The following ADAM22 variants were observed in gnomAD, a reference collection of about 807,000 sequenced individuals.
ADAM22 encodes disintegrin and metalloproteinase domain-containing protein 22.
Under a neutral mutation model 144.6 loss-of-function variants are expected in ADAM22, and 65 were observed. That is an observed-to-expected ratio of 0.45 (90% confidence interval 0.37 to 0.55). ADAM22 has a LOEUF of 0.55. ADAM22 is among the 20% of genes least tolerant of loss of function. The pLI, the probability that ADAM22 is intolerant of heterozygous loss-of-function variation, is 0.00. For synonymous variants in ADAM22, 391 were observed against 412.6 expected (o/e 0.95, Z 0.63); for missense variants, 974 against 1,184.9 (o/e 0.82, Z 2.61).
At chr7:88,106,533 C>A (rs1824437602) in intron 4 of ADAM22, among the ~76,000 whole-genome samples, 1 of 152,162 alleles carries the variant, frequency 6.6e-6, no homozygotes, top group Non-Finnish European at 1.5e-5. Flanking sequence ...TTAAGTCATA[C>A]TGTGAAGTAG....
chr7:87,969,728 T>G (rs543543042), intron 2 of ADAM22, among the ~76,000 whole-genome samples: 20 of 152,370 alleles, frequency 1.3e-4, no homozygotes, highest in African/African-American at 3.6e-4. Flanking sequence ...AAGTTTGTTC[T>G]TTAAAAATTG....
intron 4 of ADAM22, among the ~76,000 whole-genome samples, chr7:88,107,877 C>A (rs893589307): frequency 5.3e-5 from 8 of 152,086 alleles, no homozygotes; most frequent in African/African-American, 1.9e-4. Context: ...AGACATGAGA[C>A]ACTGTGCCTG....
At chr7:88,113,058 T>C (rs915881146) in intron 5 of ADAM22, among the ~76,000 whole-genome samples, 1 of 151,198 alleles carries the variant, frequency 6.6e-6, no homozygotes, top group Non-Finnish European at 1.5e-5. Flanking sequence ...TCCTTCCCTC[T>C]GCTTCCTGCT....
In ADAM22 at chr7:88,011,402, T is replaced by A. The variant is rs1045653566; in HGVS notation, c.323+32990T>A. ...AAAAATACAAAAAATTAGCCAGGCA[T>A]GGTGGCAGGCACCTGTAGTCCCAGC... On this transcript the variant is annotated intron_variant, in intron 3 of 31. Transcript: ENST00000413139. Among the ~76,000 whole-genome samples, 17 of 152,206 alleles carry A rather than the reference T, an allele frequency of 1.1e-4. No individual in the cohort carries two copies. In the East Asian group the frequency reaches 3.3e-3, roughly 29 times the overall value.
At chr7:88,033,650 A>G (rs1387872329) in intron 3 of ADAM22, among the ~76,000 whole-genome samples, 1 of 152,226 alleles carries the variant, frequency 6.6e-6, no homozygotes, top group East Asian at 1.9e-4. Flanking sequence ...GGGATTCCCC[A>G]GGCTTTGGGT....
At chr7:88,071,384 T>C (rs1046899038) in intron 3 of ADAM22, among the ~76,000 whole-genome samples, 116 of 147,314 alleles carry the variant, frequency 7.9e-4, no homozygotes, top group African/African-American at 2.9e-3. Context: ...ACCAGCTTTA[T>C]GAAGTGATTT....
chr7:88,052,363 G>C (rs1455279287), intron 3 of ADAM22, among the ~76,000 whole-genome samples: 1 of 145,808 alleles, frequency 6.9e-6, no homozygotes, highest in Admixed American at 6.8e-5. Flanking sequence ...AAAAAAATTA[G>C]CCTGGCGTGG....
At chr7:88,060,527 T>C (rs1809494035) in intron 3 of ADAM22, among the ~76,000 whole-genome samples, 1 of 152,042 alleles carries the variant, frequency 6.6e-6, no homozygotes, top group African/African-American at 2.4e-5. Context: ...TCCTAGCACT[T>C]TGGGAGGCCG....
intron 2 of ADAM22, among the ~76,000 whole-genome samples, chr7:87,962,074 A>G (rs562111363): frequency 9.8e-4 from 149 of 152,344 alleles, no homozygotes; most frequent in African/African-American, 2.8e-3. Context: ...TCAGATGAAT[A>G]TAATTAACAC....
intron 30 of ADAM22, among the ~76,000 whole-genome samples, chr7:88,192,507 C>T (rs1849838475): frequency 6.6e-6 from 1 of 152,118 alleles, no homozygotes; most frequent in African/African-American, 2.4e-5. Context: ...TTTGTATGTT[C>T]TCATCAGACT....
chr7:88,129,163 A>T (rs1435602600), intron 9 of ADAM22, among the ~76,000 whole-genome samples: 1 of 152,058 alleles, frequency 6.6e-6, no homozygotes, highest in Non-Finnish European at 1.5e-5. Context: ...GTTTCTTAGG[A>T]TAAGAACTTG....
chr7:87,939,922 G>A (rs867873172), intron 2 of ADAM22, among the ~76,000 whole-genome samples: 41 of 152,258 alleles, frequency 2.7e-4, no homozygotes, highest in African/African-American at 9.4e-4. Flanking sequence ...GGCTGGGCAT[G>A]GTGGCCCACA....
At chr7:88,065,713 A>G (rs1348621612) in intron 3 of ADAM22, among the ~76,000 whole-genome samples, 1 of 152,122 alleles carries the variant, frequency 6.6e-6, no homozygotes, top group Middle Eastern at 3.4e-3. Context: ...TTGGGATCTT[A>G]TTTTTTAAAT....
intron 16 of ADAM22, 47 bp downstream of exon 16, chr7:88,145,243 C>A: frequency 1.3e-6 from 2 of 1,593,898 alleles, no homozygotes; most frequent in Admixed American, 1.7e-5. Flanking sequence ...AATTCAGGGT[C>A]ATTCCAGGTC....
At chr7:87,978,551 A>G (rs1584774768) in intron 3 of ADAM22, 139 bp downstream of exon 3, 2 of 617,888 alleles carry the variant, frequency 3.2e-6, no homozygotes, top group East Asian at 5.7e-5. Flanking sequence ...ATACTTATTT[A>G]CTGTAGGTTA....
In ADAM22 at chr7:87,940,240, C is replaced by T. The variant is rs187195096; in HGVS notation, c.246+5054C>T. On this transcript the variant is annotated intron_variant, in intron 2 of 31. Transcript: ENST00000413139. ...TCACCAAGATGGATATGCTGATTAC[C>T]CTGATCTGATCAGTATGCATTGTAT... Among the ~76,000 whole-genome samples, 178 of 151,578 alleles carry T rather than the reference C, an allele frequency of 1.2e-3. 1 individual carries two copies. Among genetic ancestry groups the T allele is most frequent in the Admixed American group, 9.7e-3 (148 of 15,230 alleles).
At chr7:88,068,301 A>T (rs1459984484) in intron 3 of ADAM22, among the ~76,000 whole-genome samples, 3 of 152,136 alleles carry the variant, frequency 2.0e-5, no homozygotes, top group African/African-American at 7.2e-5. Context: ...TTCCTCTTAA[A>T]TGAAATAATG....
Position 88,129,780 on chromosome 7 carries a change from T to C in ADAM22, c.754-608T>C, listed in dbSNP as rs1242631584. On this transcript the variant is annotated intron_variant, in intron 9 of 31. Transcript: ENST00000413139. The stretch of plus-strand genomic sequence containing the variant: ...AGGGGAGCAACTGCCTCTCATTGTT[T>C]GCCAGTTATTACCAGGTGAGAATGC... Among the ~76,000 whole-genome samples the C allele has an allele frequency of 2.0e-5, 3 of 152,056 alleles. No homozygotes were observed. In the South Asian group the frequency reaches 6.2e-4, roughly 32 times the overall value.
At chr7:88,036,451 A>C (rs1181155044) in intron 3 of ADAM22, among the ~76,000 whole-genome samples, 1 of 152,154 alleles carries the variant, frequency 6.6e-6, no homozygotes, top group Admixed American at 6.5e-5. Context: ...TCACAATTGT[A>C]TTTTTAATAT....
Sources: gnomAD v4.1 joint callset for allele counts (sites outside exome capture counted in the v4.1 genomes callset) on GRCh38, gnomAD v4.1.1 for gene constraint, MANE v1.5 for transcripts, NCBI Gene and HGNC (gene_info 2026-07-23, HGNC 2026-07-21) for gene names.